The following DCDC2 variants were observed in gnomAD, a reference collection of about 807,000 sequenced individuals.
The protein encoded by DCDC2 is doublecortin domain containing 2, also known as doublecortin domain-containing protein 2.
DCDC2 carries 40 observed loss-of-function variants against 50.2 expected under a neutral mutation model. The observed-to-expected ratio is 0.80, with a 90% CI of 0.62 to 1.04. DCDC2 has a LOEUF of 1.04. Among genes scored for constraint, DCDC2 ranks in the 50% least tolerant of loss-of-function variants. The pLI is 0.00. For missense variants in DCDC2, 570 were observed against 581.9 expected (o/e 0.98, Z 0.21); for synonymous variants, 234 against 210.6 (o/e 1.11, Z -0.96).
intron 8 of DCDC2, among the ~76,000 whole-genome samples, chr6:24,191,893 T>C (rs1457115270): frequency 2.0e-5 from 3 of 152,076 alleles, no homozygotes; most frequent in Non-Finnish European, 2.9e-5. Flanking sequence ...ACAGCAGACC[T>C]GAGGAAGCTA....
At chr6:24,233,531 T>C (rs1166721277) in intron 7 of DCDC2, among the ~76,000 whole-genome samples, 1 of 152,176 alleles carries the variant, frequency 6.6e-6, no homozygotes, top group African/African-American at 2.4e-5. Flanking sequence ...GAGTAGTCAA[T>C]AAATCCATGT....
intron 7 of DCDC2, among the ~76,000 whole-genome samples, chr6:24,258,099 G>A (rs1293900877): frequency 3.9e-5 from 6 of 152,134 alleles, no homozygotes; most frequent in Admixed American, 1.3e-4. Flanking sequence ...GGGTGGGTTC[G>A]TGGTCTCGCT....
At chr6:24,339,363 C>G (rs1018080593) in intron 2 of DCDC2, among the ~76,000 whole-genome samples, 9 of 152,272 alleles carry the variant, frequency 5.9e-5, no homozygotes, top group East Asian at 3.9e-4. Flanking sequence ...CACTACACAG[C>G]CAGCTTCAGG....
rs1760832469 is a variant in DCDC2, at chr6:24,173,474, A to G, written c.*1256T>C. 1 of 152,164 alleles carries G rather than the reference A, an allele frequency of 6.6e-6. No individual in the cohort carries two copies. Among genetic ancestry groups the G allele is most frequent in the African/African-American group, 2.4e-5 (1 of 41,452 alleles). 9.4% of individuals were successfully genotyped at this position (152,164 alleles called of 1,614,324 possible). Reference sequence around the variant, plus strand: ...TTTAAGAAAAATATATTATTTCTATATTTATGGAAGAACATCTCTTAAGAA... The same window carrying G: ...TTTAAGAAAAATATATTATTTCTATGTTTATGGAAGAACATCTCTTAAGAA... On this transcript the variant is annotated 3_prime_UTR_variant, in exon 10 of 10. Coordinates refer to ENST00000378454, the MANE Select transcript of DCDC2 (RefSeq NM_016356.5).
chr6:24,231,635 G>C (rs910310728), intron 7 of DCDC2, among the ~76,000 whole-genome samples: 1 of 152,086 alleles, frequency 6.6e-6, no homozygotes, highest in Admixed American at 6.6e-5. Context: ...TCTGAAGGGA[G>C]TGCTATCCTC....
intron 2 of DCDC2, among the ~76,000 whole-genome samples, chr6:24,325,804 A>G (rs1019059431): frequency 2.7e-5 from 4 of 149,270 alleles, no homozygotes; most frequent in African/African-American, 9.7e-5. Flanking sequence ...AAAAATATAT[A>G]TATTATACAT....
At chr6:24,345,748 T>C (rs1474245326) in intron 2 of DCDC2, among the ~76,000 whole-genome samples, 1 of 152,242 alleles carries the variant, frequency 6.6e-6, no homozygotes, top group Non-Finnish European at 1.5e-5. Flanking sequence ...TTCTTGCTTA[T>C]ATTTCTCTTG....
chr6:24,201,680 C>A (rs970152201), intron 8 of DCDC2, among the ~76,000 whole-genome samples: 7 of 152,028 alleles, frequency 4.6e-5, no homozygotes, highest in Non-Finnish European at 8.8e-5. Flanking sequence ...GATAGAGACA[C>A]GAAAAACCCT....
At chr6:24,371,276 CA>C in the DCDC2 span, among the ~76,000 whole-genome samples, 1,963 of 101,980 alleles carry the variant, frequency 0.019, 29 homozygotes, top group South Asian at 0.03. Context: ...CACTCCATCT[CA>C]AAAAAAAAAA....
chr6:24,376,625 T>C, the DCDC2 span, among the ~76,000 whole-genome samples: 2 of 151,804 alleles, frequency 1.3e-5, no homozygotes, highest in African/African-American at 4.8e-5. Context: ...ACATGTACTT[T>C]TCATATGGAA....
rs1581566285 is a variant in DCDC2, at chr6:24,174,491, T to A, written c.*239A>T. Reference sequence around the variant, plus strand: ...GTCTTCCAGTGCAAATTCTCCTCTGTCCGTCTTATTTAATATTTCTATATG... The same window carrying A: ...GTCTTCCAGTGCAAATTCTCCTCTGACCGTCTTATTTAATATTTCTATATG... On this transcript the variant is annotated 3_prime_UTR_variant, in exon 10 of 10. Transcript: ENST00000378454. 2 of 292,278 alleles carry A rather than the reference T, an allele frequency of 6.8e-6. No individual in the cohort carries two copies. The highest frequency in any genetic ancestry group is 1.2e-4 in the East Asian group (2 of 17,034). The allele number at this position is 292,278 out of a possible 1,614,324, so 18.1% of individuals were successfully genotyped here.
At chr6:24,381,957 AAAGAAGG>A in the DCDC2 span, among the ~76,000 whole-genome samples, 26 of 138,218 alleles carry the variant, frequency 1.9e-4, no homozygotes, top group African/African-American at 6.9e-4. Flanking sequence ...AGAAGGAAAG[AAAGAAGG>A]AAGGAAGGAA....
intron 2 of DCDC2, among the ~76,000 whole-genome samples, chr6:24,314,799 A>C (rs1412655799): frequency 6.6e-6 from 1 of 152,114 alleles, no homozygotes; most frequent in Non-Finnish European, 1.5e-5. Flanking sequence ...AGTCCGGAAG[A>C]TCAGAAACCC....
At chr6:24,371,589 G>A in the DCDC2 span, among the ~76,000 whole-genome samples, 2 of 152,030 alleles carry the variant, frequency 1.3e-5, no homozygotes, top group Non-Finnish European at 2.9e-5. Context: ...CTGGGTGACA[G>A]AGTGAGACCT....
chr6:24,265,350 T>C (rs1763096595), intron 7 of DCDC2, among the ~76,000 whole-genome samples: 1 of 152,164 alleles, frequency 6.6e-6, no homozygotes, highest in Non-Finnish European at 1.5e-5. Flanking sequence ...CTTTCATTAT[T>C]GGACATATCA....
chr6:24,344,841 C>T (rs1760226966), intron 2 of DCDC2, among the ~76,000 whole-genome samples: 1 of 152,152 alleles, frequency 6.6e-6, no homozygotes, highest in Non-Finnish European at 1.5e-5. Flanking sequence ...TTGGGAGTCA[C>T]CTTGGTCACT....
intron 8 of DCDC2, among the ~76,000 whole-genome samples, chr6:24,196,652 G>C (rs1408691782): frequency 1.3e-5 from 2 of 152,260 alleles, no homozygotes; most frequent in East Asian, 3.9e-4. Flanking sequence ...GAACACTCCT[G>C]ACTTTAGGTG....
the DCDC2 span, among the ~76,000 whole-genome samples, chr6:24,374,030 C>T: frequency 3.3e-5 from 5 of 151,886 alleles, no homozygotes; most frequent in Non-Finnish European, 5.9e-5. Context: ...GGCGTGGTGG[C>T]GGGCGCCTGT....
At chr6:24,331,477 T>C (rs1239099655) in intron 2 of DCDC2, among the ~76,000 whole-genome samples, 1 of 152,032 alleles carries the variant, frequency 6.6e-6, no homozygotes, top group Non-Finnish European at 1.5e-5. Context: ...TCGTATATTA[T>C]ATACAAAATG....
Sources: allele counts gnomAD v4.1 joint callset (sites outside exome capture counted in the v4.1 genomes callset), GRCh38; gene constraint gnomAD v4.1.1; transcripts MANE v1.5; gene names NCBI Gene and HGNC (gene_info 2026-07-23, HGNC 2026-07-21).